EIF4B: variants seen among roughly 807,000 people sequenced by gnomAD.
The protein encoded by EIF4B is eukaryotic translation initiation factor 4B.
In EIF4B, 8 loss-of-function variants were observed where a neutral mutation model predicts 79.3. That is an observed-to-expected ratio of 0.10 (90% confidence interval 0.06 to 0.18). The LOEUF is 0.18. EIF4B is among the 10% of genes least tolerant of loss of function. The pLI, the probability that EIF4B is intolerant of heterozygous loss-of-function variation, is 1.00. For synonymous variants in EIF4B, 238 were observed against 274.7 expected, an observed-to-expected ratio of 0.87 and a Z score of 1.32; for missense variants, 515 against 792.4, an observed-to-expected ratio of 0.65 and a Z score of 4.20.
In EIF4B at chr12:53,028,153, A is replaced by T. The variant is rs1026451969; in HGVS notation, c.944A>T (p.Asp315Val). The part of the protein sequence containing the change: ...RDDRSWSSRD[D>V]YSRDDYRRDD... Reference sequence around the variant, plus strand: ...GATCGGTCGTGGAGCTCCAGAGATGATTACTCTCGGGATGATTATAGGCGT... The same window carrying T: ...GATCGGTCGTGGAGCTCCAGAGATGTTTACTCTCGGGATGATTATAGGCGT... Residue 315 changes from aspartate to valine, a missense_variant, in exon 8 of 15, where the codon GAT (aspartate) becomes GTT (valine). Around this residue, in one of 6 missense-constraint regions of EIF4B, gnomAD observed 187 missense variants for 256.5 expected, o/e 0.73. Transcript: ENST00000262056. 4 of 1,612,212 alleles carry T rather than the reference A, an allele frequency of 2.5e-6. No individual in the cohort carries two copies. The highest frequency in any genetic ancestry group is 3.4e-6 in the Non-Finnish European group (4 of 1,179,366).
intron 14 of EIF4B, 77 bp downstream of exon 14, chr12:53,039,779 A>T (rs1943599916): frequency 3.4e-6 from 5 of 1,467,152 alleles, no homozygotes; most frequent in East Asian, 4.9e-5. Context: ...ACTAAGAATT[A>T]AAAATTCTTA....
chr12:53,022,026 CATT>C, intron 5 of EIF4B, 166 bp downstream of exon 5: 1 of 756,790 alleles, frequency 1.3e-6, no homozygotes, highest in South Asian at 1.8e-5. Flanking sequence ...TGTTTGAAGA[CATT>C]GTAGTTGTCA....
intron 1 of EIF4B, among the ~76,000 whole-genome samples, chr12:53,010,546 A>T (rs1328348767): frequency 8.4e-6 from 1 of 119,218 alleles, no homozygotes; most frequent in Non-Finnish European, 1.9e-5. Flanking sequence ...CAATATAATT[A>T]GTCTAATTCT....
intron 11 of EIF4B, 123 bp from the exon 12 acceptor site, chr12:53,038,233 A>G: frequency 2.6e-6 from 2 of 755,526 alleles, no homozygotes; most frequent in Non-Finnish European, 2.1e-6. Flanking sequence ...TTAATGTTCC[A>G]TAACATTGAG....
At chr12:53,039,379 C>G in intron 13 of EIF4B, 36 bp downstream of exon 13, 1 of 1,484,160 alleles carries the variant, frequency 6.7e-7, no homozygotes, top group Non-Finnish European at 9.2e-7. Flanking sequence ...TCCTCTGATC[C>G]ACATGTTTGT....
intron 1 of EIF4B, among the ~76,000 whole-genome samples, chr12:53,013,366 G>C (rs1483707137): frequency 6.6e-6 from 1 of 152,200 alleles, no homozygotes; most frequent in Admixed American, 6.5e-5. Context: ...TCTGTAGCTA[G>C]CATCATATTA....
intron 1 of EIF4B, among the ~76,000 whole-genome samples, chr12:53,014,248 A>C (rs1306437676): frequency 7.0e-6 from 1 of 142,108 alleles, no homozygotes; most frequent in Non-Finnish European, 1.5e-5. Flanking sequence ...TGTGAAACTA[A>C]AAAAAAAAAA....
chr12:53,033,562 C>G (rs1020021042), intron 8 of EIF4B, among the ~76,000 whole-genome samples: 5 of 146,270 alleles, frequency 3.4e-5, no homozygotes, highest in Admixed American at 2.1e-4. Context: ...AGGATAGTCT[C>G]GATCTCTTGG....
chr12:53,039,999 C>T (rs1250468645), intron 14 of EIF4B, 144 bp from the exon 15 acceptor site: 23 of 905,934 alleles, frequency 2.5e-5, no homozygotes, highest in Non-Finnish European at 3.1e-5. Flanking sequence ...CCTAGCTCCT[C>T]TCCAATGGAC....
intron 8 of EIF4B, among the ~76,000 whole-genome samples, chr12:53,032,929 C>G (rs1057501838): frequency 5.9e-5 from 9 of 152,254 alleles, no homozygotes; most frequent in African/African-American, 2.2e-4. Flanking sequence ...CCTCAGCCCC[C>G]CAAAGTGCTG....
At chr12:53,029,375 T>A (rs1943395171) in intron 8 of EIF4B, among the ~76,000 whole-genome samples, 1 of 133,408 alleles carries the variant, frequency 7.5e-6, no homozygotes, top group South Asian at 2.3e-4. Context: ...TTTTTTTATT[T>A]TATTTTTTTT....
At chr12:53,024,076 GAC>G (rs1313241617) in intron 6 of EIF4B, among the ~76,000 whole-genome samples, 1 of 152,120 alleles carries the variant, frequency 6.6e-6, no homozygotes, top group Non-Finnish European at 1.5e-5. Context: ...GGAGGGAAGA[GAC>G]AGTGTGTGAA....
chr12:53,022,231 G>A, intron 5 of EIF4B: 2 of 683,982 alleles, frequency 2.9e-6, no homozygotes, highest in Non-Finnish European at 2.7e-6. Context: ...TCACAAAGGG[G>A]ACCTAATTTG....
intron 12 of EIF4B, chr12:53,038,674 G>A: frequency 5.4e-6 from 1 of 185,572 alleles, no homozygotes; most frequent in Non-Finnish European, 1.1e-5. Context: ...AATTAGCCGG[G>A]TGTGGTGGCA....
Position 53,013,064 on chromosome 12 carries a change from T to C in EIF4B, c.14-3409T>C, listed in dbSNP as rs185211362. Reference sequence around the variant, plus strand: ...TTTCAAATAACGTTAAAGAAGAAACTTGTTTGTCAAAGGAGTCAAGGGGTG... The same window carrying C: ...TTTCAAATAACGTTAAAGAAGAAACCTGTTTGTCAAAGGAGTCAAGGGGTG... On this transcript the variant is annotated intron_variant, in intron 1 of 14. Transcript: ENST00000262056. Among the ~76,000 whole-genome samples the C allele has an allele frequency of 6.6e-5, 10 of 152,370 alleles. No individual in the cohort carries two copies. The East Asian group carries it at 1.5e-3, about 23-fold the overall frequency.
intron 6 of EIF4B, among the ~76,000 whole-genome samples, chr12:53,023,709 G>A (rs944949608): frequency 6.8e-6 from 1 of 147,080 alleles, no homozygotes; most frequent in Non-Finnish European, 1.5e-5. Flanking sequence ...TCAGCCTCCC[G>A]AGTAGCTGGG....
chr12:53,020,280 A>G (rs558058326), intron 4 of EIF4B, among the ~76,000 whole-genome samples: 1 of 152,358 alleles, frequency 6.6e-6, no homozygotes, highest in Non-Finnish European at 1.5e-5. Context: ...ACCACACACC[A>G]GGTCTCTAAT....
At chr12:53,038,226 A>G (rs1943570671) in intron 11 of EIF4B, 130 bp from the exon 12 acceptor site, 1 of 684,368 alleles carries the variant, frequency 1.5e-6, no homozygotes, top group Non-Finnish European at 2.3e-6. Context: ...CCATATTTTA[A>G]TGTTCCATAA....
intron 2 of EIF4B, among the ~76,000 whole-genome samples, chr12:53,017,965 G>T (rs1943174834): frequency 6.6e-6 from 1 of 152,160 alleles, no homozygotes. Flanking sequence ...GGACAGTGCT[G>T]TAGGAAAAGA....
Sources: gnomAD v4.1 joint callset for allele counts (sites outside exome capture counted in the v4.1 genomes callset) on GRCh38, gnomAD v4.1.1 for gene constraint, gnomAD v4.1.1 regional missense constraint, MANE v1.5 for transcripts, NCBI Gene and HGNC (gene_info 2026-07-23, HGNC 2026-07-21) for gene names.